The following BDP1 variants were observed in gnomAD, a reference collection of about 807,000 sequenced individuals.
The protein encoded by BDP1 is BDP1 general transcription factor IIIB subunit.
In BDP1, 169 loss-of-function variants were observed where a neutral mutation model predicts 266.6. The ratio of observed to expected loss-of-function variants is 0.63; its 90% CI spans 0.56 to 0.72. BDP1 has a LOEUF of 0.72. Ranked by LOEUF, BDP1 falls within the 30% of genes least tolerant of loss-of-function variation. The pLI, the probability that BDP1 is intolerant of heterozygous loss-of-function variation, is 0.00. For missense variants in BDP1, 3,015 were observed against 3,053.8 expected (o/e 0.99, Z 0.30); for synonymous variants, 1,090 against 1,022.4 (o/e 1.07, Z -1.26).
rs3761966 is a variant in BDP1, at chr5:71,504,648, C to T, written c.2269C>T (p.Arg757Cys). ...DTPQHMEDQS[R>C]KDFEEEDVIL... ...TCCTCAACACATGGAAGATCAATCG[C>T]GTAAAGATTTTGAAGAGGAAGATGT... The change falls in exon 16 of 39, where the codon CGT (arginine) becomes TGT (cysteine). Residue 757 changes from arginine (R) to cysteine (C), a missense_variant. Arg to Cys is a radical substitution (Grantham distance 180). This residue lies in a region of BDP1 where 2,383 missense variants were observed against 2,404.9 expected (regional missense o/e 0.99). Transcript: ENST00000358731. 549,255 of 1,611,948 alleles carry T rather than the reference C, an allele frequency of 0.34. 98,426 individuals are homozygous for T. Among genetic ancestry groups the T allele is most frequent in the Admixed American group, 0.57 (33,913 of 59,904 alleles).
chr5:71,491,253 C>T, intron 11 of BDP1, 122 bp downstream of exon 11: 1 of 912,444 alleles, frequency 1.1e-6, no homozygotes. Context: ...TTTGTTTTTG[C>T]TCCATATATT....
chr5:71,473,553 G>T (rs539933953), intron 7 of BDP1, among the ~76,000 whole-genome samples: 5 of 152,040 alleles, frequency 3.3e-5, no homozygotes, highest in South Asian at 2.1e-4. Flanking sequence ...AATTATGGGC[G>T]TGAGCCACTG....
intron 26 of BDP1, among the ~76,000 whole-genome samples, chr5:71,534,988 G>A (rs1766500970): frequency 6.6e-6 from 1 of 152,054 alleles, no homozygotes; most frequent in Non-Finnish European, 1.5e-5. Context: ...TTGCAAGTGT[G>A]TAGAAATAAA....
In BDP1 at chr5:71,541,725, A is replaced by G. The variant is rs764081660; in HGVS notation, c.6251+43A>G. Reference sequence around the variant, plus strand: ...ATTAATAAATATTACTAAAACCACCATCAAATTAGTTAATAGCTTTGAGTA... The same window carrying G: ...ATTAATAAATATTACTAAAACCACCGTCAAATTAGTTAATAGCTTTGAGTA... On this transcript the variant is annotated intron_variant, in intron 29 of 38. Coordinates refer to ENST00000358731, the MANE Select transcript of BDP1 (RefSeq NM_018429.3). 9 of 1,231,018 alleles carry G rather than the reference A, an allele frequency of 7.3e-6. No homozygotes were observed. In the African/African-American group the frequency reaches 1.1e-4, roughly 15 times the overall value. The allele number at this position is 1,231,018 out of a possible 1,614,324, so 76.3% of individuals were successfully genotyped here. A position where few individuals can be genotyped will look rare whatever the true frequency, so the allele number is the denominator to read the frequency against.
At chr5:71,468,570 A>C (rs1762045543) in intron 6 of BDP1, among the ~76,000 whole-genome samples, 1 of 151,664 alleles carries the variant, frequency 6.6e-6, no homozygotes, top group Non-Finnish European at 1.5e-5. Flanking sequence ...CTCTACAGTA[A>C]ATACCATTTA....
In BDP1 at chr5:71,546,190, T is replaced by C. The variant is rs1020379082; in HGVS notation, c.6744+971T>C. Among the ~76,000 whole-genome samples the C allele has an allele frequency of 3.9e-5, 6 of 152,224 alleles. 1 individual carries two copies. Among genetic ancestry groups the C allele is most frequent in the Admixed American group, 3.9e-4 (6 of 15,284 alleles). ...ACCCTGACTTTTTAATTTTTACTTT[T>C]TATTTTGAAAAATTTTAAACTTAGA... On this transcript the variant is annotated intron_variant, in intron 32 of 38. Coordinates refer to ENST00000358731, the MANE Select transcript of BDP1 (RefSeq NM_018429.3).
Position 71,467,414 on chromosome 5 carries a change from A to G in BDP1, c.846A>G (p.Ile282Met). Residue 282 changes from isoleucine (I) to methionine (M), a missense_variant, in exon 6 of 39, where the codon ATA becomes ATG. Around this residue, in one of 3 missense-constraint regions of BDP1, gnomAD observed 2,383 missense variants for 2,404.9 expected, o/e 0.99. Coordinates refer to ENST00000358731, the MANE Select transcript of BDP1 (RefSeq NM_018429.3). Reference sequence around the variant, plus strand: ...GTGTTGTTGAAGAAAATGACCCCATATTTGAGCGCGGTTCTACAACTACAT... The same window carrying G: ...GTGTTGTTGAAGAAAATGACCCCATGTTTGAGCGCGGTTCTACAACTACAT... ...GPCVVEENDP[I>M]FERGSTTTYS... The G allele has an allele frequency of 1.9e-6, 3 of 1,611,170 alleles. No individual in the cohort carries two copies. Among genetic ancestry groups the G allele is most frequent in the Non-Finnish European group, 2.5e-6 (3 of 1,177,386 alleles).
chr5:71,506,030 A>G (rs1023221337), intron 16 of BDP1, among the ~76,000 whole-genome samples: 6 of 152,216 alleles, frequency 3.9e-5, no homozygotes, highest in African/African-American at 1.4e-4. Flanking sequence ...TAATGTGCAC[A>G]CAGTCTCTAG....
At chr5:71,475,293 A>G (rs1275209870) in intron 7 of BDP1, among the ~76,000 whole-genome samples, 2 of 152,036 alleles carry the variant, frequency 1.3e-5, no homozygotes, top group African/African-American at 2.4e-5. Context: ...ATTTTTTTGT[A>G]GAGACTAAGT....
At chr5:71,492,425 A>G (rs1763650475) in intron 11 of BDP1, among the ~76,000 whole-genome samples, 2 of 152,158 alleles carry the variant, frequency 1.3e-5, no homozygotes, top group African/African-American at 4.8e-5. Context: ...TTTATTAATA[A>G]TGTCCTTCTG....
intron 22 of BDP1, among the ~76,000 whole-genome samples, chr5:71,521,450 G>T (rs1046129850): frequency 1.3e-5 from 2 of 151,610 alleles, no homozygotes; most frequent in Non-Finnish European, 2.9e-5. Flanking sequence ...GCACGACCAT[G>T]CCCAGCTAAT....
At chr5:71,563,240 T>C (rs1001933969) in intron 38 of BDP1, among the ~76,000 whole-genome samples, 14 of 152,078 alleles carry the variant, frequency 9.2e-5, no homozygotes, top group Non-Finnish European at 4.4e-5. Flanking sequence ...CTCCATCCCC[T>C]GGGTTCAAGT....
chr5:71,562,471 C>G lies in BDP1; in HGVS notation c.7694C>G (p.Pro2565Arg), dbSNP rs1275841607. 1 of 1,613,730 alleles carries G rather than the reference C, an allele frequency of 6.2e-7. No homozygotes were observed. The highest frequency in any genetic ancestry group is 1.3e-5 in the African/African-American group (1 of 74,900). ...NRESSDLLPS[P>R]SVITTQSENI... is the part of the protein sequence containing the mutation. ...GAGTCCTCTGATCTGCTTCCATCTC[C>G]AAGTGTTATTACTACTCAATCTGAG... The change falls in exon 38 of 39, where the codon CCA (proline) becomes CGA (arginine). Residue 2565 changes from proline (P) to arginine (R), a missense_variant. Transcript: ENST00000358731.
intron 10 of BDP1, among the ~76,000 whole-genome samples, chr5:71,490,010 C>T (rs536772806): frequency 2.6e-5 from 4 of 152,308 alleles, no homozygotes; most frequent in African/African-American, 9.6e-5. Context: ...CACAGATTTT[C>T]ATGTTGTACC....
intron 25 of BDP1, among the ~76,000 whole-genome samples, chr5:71,527,691 C>G (rs995932501): frequency 6.6e-5 from 10 of 152,090 alleles, no homozygotes; most frequent in African/African-American, 2.2e-4. Flanking sequence ...TTGCTTCCAC[C>G]TTTTGGCTGT....
intron 25 of BDP1, among the ~76,000 whole-genome samples, chr5:71,527,040 C>T (rs187792003): frequency 7.3e-4 from 111 of 151,662 alleles, no homozygotes; most frequent in African/African-American, 2.2e-3. Context: ...TTCACATGTA[C>T]GTGTTGTCAT....
chr5:71,461,646 A>G (rs1761571706), intron 2 of BDP1, among the ~76,000 whole-genome samples, 171 bp from the exon 3 acceptor site: 1 of 152,066 alleles, frequency 6.6e-6, no homozygotes, highest in Non-Finnish European at 1.5e-5. Context: ...AAAGCTATTG[A>G]GGGTAATGTG....
intron 22 of BDP1, among the ~76,000 whole-genome samples, chr5:71,519,102 G>A (rs1238597454): frequency 6.6e-6 from 1 of 152,018 alleles, no homozygotes; most frequent in African/African-American, 2.4e-5. Context: ...TTACAGGCAT[G>A]AGCCACTGCG....
In BDP1 at chr5:71,567,370, C is replaced by G. The variant is rs1045959244; in HGVS notation, c.*2485C>G. ...TGTATTAGAGAATCAAGTCAGCCAG[C>G]TAAAGTATCCTACTGTTAAATCCTT... On this transcript the variant is annotated 3_prime_UTR_variant, in exon 39 of 39. Transcript: ENST00000358731. 12 of 152,134 alleles carry G rather than the reference C, an allele frequency of 7.9e-5. No individual in the cohort carries two copies. The highest frequency in any genetic ancestry group is 1.6e-4 in the Non-Finnish European group (11 of 68,024). 9.4% of individuals were successfully genotyped at this position (152,134 alleles called of 1,614,324 possible).
Sources: gnomAD v4.1 joint callset for allele counts (sites outside exome capture counted in the v4.1 genomes callset) on GRCh38, gnomAD v4.1.1 for gene constraint, gnomAD v4.1.1 regional missense constraint, MANE v1.5 for transcripts, NCBI Gene and HGNC (gene_info 2026-07-23, HGNC 2026-07-21) for gene names.